The following MOCS1 variants were observed in gnomAD, a reference collection of about 807,000 sequenced individuals.
MOCS1 encodes the protein molybdenum cofactor biosynthesis protein 1.
MOCS1 carries 39 observed loss-of-function variants against 57.6 expected under a neutral mutation model. The observed-to-expected ratio is 0.68, with a 90% CI of 0.52 to 0.88. The LOEUF (loss-of-function observed/expected upper bound fraction) is 0.88. Among genes scored for constraint, MOCS1 ranks in the 40% least tolerant of loss-of-function variants. MOCS1 has a pLI of 0.00. For missense variants in MOCS1, 795 were observed against 831.1 expected (o/e 0.96, Z 0.53); for synonymous variants, 334 against 335.7 (o/e 1.00, Z 0.05).
At chr6:39,919,443 G>A (rs563112844) in intron 3 of MOCS1, among the ~76,000 whole-genome samples, 5 of 152,084 alleles carry the variant, frequency 3.3e-5, no homozygotes, top group Non-Finnish European at 7.4e-5. Flanking sequence ...AGCCGAGATC[G>A]TGTCATTGCA....
In MOCS1 at chr6:39,913,410, G is replaced by A. The variant is rs1266681695; in HGVS notation, c.664C>T (p.Arg222Ter). The change falls in exon 6 of 11, where the codon CGA becomes TGA. Residue 222 changes from arginine to a stop codon, truncating the protein, a stop_gained. Coordinates refer to ENST00000340692, the MANE Select transcript of MOCS1 (RefSeq NM_001358530.2). LOFTEE classifies it high-confidence loss of function. Reference sequence around the variant, plus strand: ...AGGAGTTCATCCTCGTTAAGGCCTCGCATCACCACACAGTTCACCTGGCCG... The same window carrying A: ...AGGAGTTCATCCTCGTTAAGGCCTCACATCACCACACAGTTCACCTGGCCG... ...NPVKVNCVVM[R>*]GLNEDELLDF... 3.1e-6 allele frequency: 5 copies of A among 1,614,026 alleles called. No homozygotes were observed. The highest frequency in any genetic ancestry group is 1.3e-5 in the African/African-American group (1 of 74,926).
intron 3 of MOCS1, among the ~76,000 whole-genome samples, chr6:39,919,452 C>A (rs548751944): frequency 3.3e-5 from 5 of 151,920 alleles, no homozygotes; most frequent in African/African-American, 1.2e-4. Flanking sequence ...CGTGTCATTG[C>A]ACTCCAGCCT....
rs201295442 is a variant in MOCS1, at chr6:39,906,322, A to G, written c.*35T>C. The G allele has an allele frequency of 8.1e-5, 130 of 1,599,664 alleles. 1 individual carries two copies. In the East Asian group the frequency reaches 2.3e-3, roughly 28 times the overall value. On this transcript the variant is annotated 3_prime_UTR_variant, in exon 11 of 11. Transcript: ENST00000340692. ...TCAGCCTACATTGCATCCCAGCTCC[A>G]GGCCTGGGTGGGCCATGGGTGAGAA...
At chr6:39,913,919 C>G in intron 4 of MOCS1, 84 bp from the exon 5 acceptor site, 1 of 1,392,108 alleles carries the variant, frequency 7.2e-7, no homozygotes, top group Non-Finnish European at 1.0e-6. Context: ...CAGAGCCCAT[C>G]TAGTCTGGAG....
intron 9 of MOCS1, among the ~76,000 whole-genome samples, 156 bp downstream of exon 9, chr6:39,909,679 A>G (rs892147344): frequency 2.0e-5 from 3 of 152,068 alleles, no homozygotes. Flanking sequence ...CTGAGTCCAG[A>G]GGGCCAACAG....
At chr6:39,918,838 TAA>T (rs34566284) in intron 3 of MOCS1, among the ~76,000 whole-genome samples, 1 of 145,838 alleles carries the variant, frequency 6.9e-6, no homozygotes, top group East Asian at 2.0e-4. Context: ...ATTACTTTTG[TAA>T]AAAAAAAAAA....
At chr6:39,916,756 T>C (rs1259537373) in intron 3 of MOCS1, among the ~76,000 whole-genome samples, 1 of 152,072 alleles carries the variant, frequency 6.6e-6, no homozygotes, top group Non-Finnish European at 1.5e-5. Flanking sequence ...CATAATAGCA[T>C]TGGAAGGTAA....
chr6:39,924,796 T>C (rs75960344), intron 3 of MOCS1, among the ~76,000 whole-genome samples: 449 of 152,322 alleles, frequency 2.9e-3, no homozygotes, highest in African/African-American at 3.8e-3. Flanking sequence ...ATAAAAACCA[T>C]GGCAGGATGC....
Position 39,913,338 on chromosome 6 carries a change from T to C in MOCS1, c.736A>G (p.Ile246Val). 6.2e-7 allele frequency: 1 copy of C among 1,614,160 alleles called. No individual in the cohort carries two copies. The highest frequency in any genetic ancestry group is 8.5e-7 in the Non-Finnish European group (1 of 1,180,004). ...TEGLPLDVRF[I>V]EYMPFDGNKW... is the part of the protein sequence containing the mutation. ...TGACCATCAAAGGGCATATACTCTA[T>C]GAAGCGCACATCCAGGGGGAGGCCC... The change falls in exon 6 of 11, where the codon ATA becomes GTA. Residue 246 changes from isoleucine to valine, a missense_variant. By Grantham distance (29) the Ile-to-Val change is conservative. Around this residue, in one of 3 missense-constraint regions of MOCS1, gnomAD observed 416 missense variants for 392.4 expected, o/e 1.06. Transcript: ENST00000340692.
chr6:39,909,143 G>A (rs1455338678), intron 9 of MOCS1, 41 bp from the exon 10 acceptor site: 2 of 1,217,438 alleles, frequency 1.6e-6, no homozygotes, highest in Non-Finnish European at 2.4e-6. Flanking sequence ...GAAAGCAGGG[G>A]AGGGGGAGAG....
At chr6:39,931,233 A>C (rs1459673617) in intron 1 of MOCS1, among the ~76,000 whole-genome samples, 1 of 152,142 alleles carries the variant, frequency 6.6e-6, no homozygotes, top group Admixed American at 6.5e-5. Flanking sequence ...GGTGGGACAA[A>C]AGAGTTAAAG....
At chr6:39,922,207 C>T (rs73732323) in intron 3 of MOCS1, among the ~76,000 whole-genome samples, 2,769 of 152,272 alleles carry the variant, frequency 0.018, 84 homozygotes, top group African/African-American at 0.062. Context: ...TTCAGTTTCT[C>T]GGTTACATTA....
At chr6:39,914,586 G>A (rs1478186305) in intron 4 of MOCS1, among the ~76,000 whole-genome samples, 1 of 152,148 alleles carries the variant, frequency 6.6e-6, no homozygotes, top group Non-Finnish European at 1.5e-5. Flanking sequence ...ATCACCTACT[G>A]CATCCTGGCC....
chr6:39,913,618 G>A, intron 5 of MOCS1, 156 bp downstream of exon 5: 1 of 1,020,502 alleles, frequency 9.8e-7, no homozygotes, highest in Non-Finnish European at 1.5e-6. Flanking sequence ...GGGTCGGCAG[G>A]GCTGGACCAG....
chr6:39,910,747 G>A (rs745355426), intron 8 of MOCS1, among the ~76,000 whole-genome samples: 4 of 152,056 alleles, frequency 2.6e-5, no homozygotes, highest in Admixed American at 1.3e-4. Flanking sequence ...CTCATGCCTC[G>A]CTCCCCAACC....
chr6:39,905,311 T>A lies in MOCS1; in HGVS notation c.*1046A>T, dbSNP rs1766803869. On this transcript the variant is annotated 3_prime_UTR_variant, in exon 11 of 11. Coordinates refer to ENST00000340692, the MANE Select transcript of MOCS1 (RefSeq NM_001358530.2). ...CACCTGACAAAAGATTTCCCTTAGA[T>A]GGTGCATTTCTATGCCCCCTACTCC... 2 of 455,930 alleles carry A rather than the reference T, an allele frequency of 4.4e-6. No individual in the cohort carries two copies. Among genetic ancestry groups the A allele is most frequent in the East Asian group, 1.4e-4 (2 of 14,414 alleles). 28.2% of individuals were successfully genotyped at this position (455,930 alleles called of 1,614,324 possible).
In MOCS1 at chr6:39,934,438, C is replaced by G; in HGVS notation, c.-21G>C. On this transcript the variant is annotated 5_prime_UTR_variant, in exon 1 of 11. Transcript: ENST00000340692. ...GCCATGAAGCCTGATACGAGCGGAA[C>G]CGCAGCCCGCTTCGGGAGCACACTG... is the stretch of plus-strand genomic sequence containing the variant. The G allele has an allele frequency of 1.9e-6, 3 of 1,562,554 alleles. No homozygotes were observed. The highest frequency in any genetic ancestry group is 1.7e-6 in the Non-Finnish European group (2 of 1,160,730).
intron 1 of MOCS1, among the ~76,000 whole-genome samples, chr6:39,928,432 G>C (rs1453467685): frequency 6.6e-6 from 1 of 152,166 alleles, no homozygotes; most frequent in Non-Finnish European, 1.5e-5. Context: ...CCAAAGTGCT[G>C]GGATTACAGG....
chr6:39,930,389 T>C (rs911172337), intron 1 of MOCS1, among the ~76,000 whole-genome samples: 1 of 152,188 alleles, frequency 6.6e-6, no homozygotes, highest in African/African-American at 2.4e-5. Context: ...GCCTGGGCTG[T>C]TTCCTCTCCG....
Sources: gnomAD v4.1 joint callset for allele counts (sites outside exome capture counted in the v4.1 genomes callset) on GRCh38, gnomAD v4.1.1 for gene constraint, gnomAD v4.1.1 regional missense constraint, MANE v1.5 for transcripts, NCBI Gene and HGNC (gene_info 2026-07-23, HGNC 2026-07-21) for gene names.